ZNF577: variants seen among roughly 807,000 people sequenced by gnomAD.
ZNF577 encodes the protein zinc finger protein 577.
Under a neutral mutation model 13.9 loss-of-function variants are expected in ZNF577, and 14 were observed. That is an observed-to-expected ratio of 1.00 (90% CI 0.66 to 1.57). The LOEUF (loss-of-function observed/expected upper bound fraction) is 1.57. Ranked by LOEUF, ZNF577 falls within the 40% of genes most tolerant of loss-of-function variation. The probability of loss-of-function intolerance (pLI) is 0.00; values close to 1 mark genes in which losing one functional copy is unlikely to be tolerated. For synonymous variants in ZNF577, 203 were observed against 202.9 expected, an observed-to-expected ratio of 1.00 and a Z score of 0.00; for missense variants, 555 against 579.2, an observed-to-expected ratio of 0.96 and a Z score of 0.43.
At chr19:51,829,269 C>T (rs370986336) in intron 9 of ZNF577, among the ~76,000 whole-genome samples, 9 of 152,180 alleles carry the variant, frequency 5.9e-5, no homozygotes, top group South Asian at 2.1e-4. Context: ...GCCACAGCCC[C>T]GACAAGCTGG....
At chr19:51,864,394 G>A (rs904083327), downstream of ZNF577, among the ~76,000 whole-genome samples, 3 of 151,592 alleles carry the variant, frequency 2.0e-5, no homozygotes, top group Non-Finnish European at 2.9e-5. Flanking sequence ...CCTGACTCCC[G>A]CCCCTGACTC....
intron 9 of ZNF577, chr19:51,823,846 AC>A: frequency 6.2e-7 from 1 of 1,613,978 alleles, no homozygotes; most frequent in Non-Finnish European, 8.5e-7. Context: ...TTGCTAGTCC[AC>A]GGAGTCACCT....
intron 5 of ZNF577, among the ~76,000 whole-genome samples, chr19:51,853,550 C>T (rs1377899067): frequency 6.6e-6 from 1 of 152,142 alleles, no homozygotes; most frequent in African/African-American, 2.4e-5. Context: ...GTCAATTGGA[C>T]CAATCTAGAG....
Position 51,870,251 on chromosome 19 carries a change from G to A in ZNF577, c.*2281C>T, listed in dbSNP as rs1020140218. 6.6e-6 allele frequency among the ~76,000 whole-genome samples: 1 copy of A among 152,094 alleles called. No individual in the cohort carries two copies. The highest frequency in any genetic ancestry group is 1.5e-5 in the Non-Finnish European group (1 of 68,020). ...CTACTGAGTTTTCTTCATGTTATGGGGTTATATTTTCCTGCTTCTTTGCAC... is the reference window on the plus strand; with the variant it reads ...CTACTGAGTTTTCTTCATGTTATGGAGTTATATTTTCCTGCTTCTTTGCAC... On this transcript the variant is annotated 3_prime_UTR_variant, in exon 6 of 6. Coordinates refer to ENST00000638348, the MANE Select transcript of ZNF577 (RefSeq NM_001370449.1).
At position 51,875,406 on chromosome 19, in the gene ZNF577, T is replaced by C. The variant is rs1327187150; in HGVS notation, c.284-1700A>G. Among the ~76,000 whole-genome samples the C allele has an allele frequency of 2.7e-5, 4 of 148,876 alleles. No individual in the cohort carries two copies. In the East Asian group the frequency reaches 5.9e-4, roughly 22 times the overall value. On this transcript the variant is annotated intron_variant, in intron 5 of 5. Transcript: ENST00000638348. ...AAAAGAGAGAGCTCCAAATGTGCCCTGGCATAGTCAAAAACTAGTTCTTGG... is the reference window on the plus strand; with the variant it reads ...AAAAGAGAGAGCTCCAAATGTGCCCCGGCATAGTCAAAAACTAGTTCTTGG...
intron 5 of ZNF577, among the ~76,000 whole-genome samples, chr19:51,876,452 A>AT (rs1404759100): frequency 1.3e-5 from 2 of 151,070 alleles, no homozygotes; most frequent in African/African-American, 2.5e-5. Flanking sequence ...TCAGCAGAAG[A>AT]TAAAAAAAAA....
In ZNF577 at chr19:51,870,367, T is replaced by C. The variant is rs185366817; in HGVS notation, c.*2165A>G. On this transcript the variant is annotated 3_prime_UTR_variant, in exon 6 of 6. Coordinates refer to ENST00000638348, the MANE Select transcript of ZNF577 (RefSeq NM_001370449.1). ...TCTTTATTAGTCTCTGTTTGGAAAA[T>C]TGCTAACTTACTTGGAAAGTATGGC... 3.3e-5 allele frequency among the ~76,000 whole-genome samples: 5 copies of C among 152,256 alleles called. No homozygotes were observed. The highest frequency in any genetic ancestry group is 2.6e-4 in the Admixed American group (4 of 15,300).
At chr19:51,858,755 T>A (rs1457031645) in intron 5 of ZNF577, among the ~76,000 whole-genome samples, 1 of 152,120 alleles carries the variant, frequency 6.6e-6, no homozygotes, top group Non-Finnish European at 1.5e-5. Flanking sequence ...GAAGATTCAG[T>A]CAAGTAAGTC....
chr19:51,832,606 T>C (rs1282897462), intron 9 of ZNF577, among the ~76,000 whole-genome samples: 1 of 152,176 alleles, frequency 6.6e-6, no homozygotes, highest in African/African-American at 2.4e-5. Context: ...GTCAAAGAAT[T>C]CTTTGGTTAG....
intron 5 of ZNF577, among the ~76,000 whole-genome samples, chr19:51,851,636 A>G (rs954887315): frequency 1.3e-5 from 2 of 151,994 alleles, no homozygotes; most frequent in African/African-American, 4.8e-5. Flanking sequence ...AACTCCCCAG[A>G]CACCTTATTT....
intron 1 of ZNF577, among the ~76,000 whole-genome samples, chr19:51,885,011 T>C (rs1427291424): frequency 6.6e-6 from 1 of 152,256 alleles, no homozygotes; most frequent in African/African-American, 2.4e-5. Flanking sequence ...TTTTAATCAT[T>C]TGAAATGTAT....
intron 5 of ZNF577, chr19:51,861,833 T>C (rs977165719): frequency 3.3e-5 from 5 of 152,594 alleles, no homozygotes; most frequent in East Asian, 1.9e-4. Flanking sequence ...AATTCTCTAA[T>C]GTACAGTGAG....
intron 9 of ZNF577, chr19:51,823,879 A>T: frequency 6.2e-7 from 1 of 1,613,968 alleles, no homozygotes; most frequent in Non-Finnish European, 8.5e-7. Context: ...GTCCTGGGCA[A>T]TGGGCTTGTG....
chr19:51,862,593 A>G (rs1465754110), downstream of ZNF577: 1 of 152,948 alleles, frequency 6.5e-6, no homozygotes, highest in African/African-American at 2.4e-5. Flanking sequence ...GAGTTCTGAG[A>G]TGCAAAATGA....
At chr19:51,861,507 C>T (rs1422788351) in intron 5 of ZNF577, 1 of 152,452 alleles carries the variant, frequency 6.6e-6, no homozygotes, top group East Asian at 1.9e-4. Context: ...TTCATTGCAT[C>T]TATAAGGTTT....
At chr19:51,828,185 T>C (rs532650314) in intron 9 of ZNF577, among the ~76,000 whole-genome samples, 1 of 152,170 alleles carries the variant, frequency 6.6e-6, no homozygotes, top group African/African-American at 2.4e-5. Context: ...CTGGCCAACA[T>C]GTTGAAACGC....
At chr19:51,838,896 T>C (rs1367378753) in intron 9 of ZNF577, among the ~76,000 whole-genome samples, 3 of 151,992 alleles carry the variant, frequency 2.0e-5, no homozygotes, top group African/African-American at 4.8e-5. Flanking sequence ...TTTTCAAATA[T>C]GTACTCAAAG....
chr19:51,880,379 T>C lies in ZNF577; in HGVS notation c.4A>G (p.Lys2Glu). 1 of 1,614,164 alleles carries C rather than the reference T, an allele frequency of 6.2e-7. No homozygotes were observed. Among genetic ancestry groups the C allele is most frequent in the Non-Finnish European group, 8.5e-7 (1 of 1,180,038 alleles). Residue 2 changes from lysine to glutamate, a missense_variant, in exon 3 of 6, where the codon AAA becomes GAA. Transcript: ENST00000638348. MKNATIVMSVRR... is the reference protein window; with the variant it reads MENATIVMSVRR... ...ACAGACATTACAATCGTGGCATTTT[T>C]CATGTGTTTCCTGTTATTTCAGCTG...
At chr19:51,873,788 C>G (rs1453775449) in intron 5 of ZNF577, 82 bp from the exon 6 acceptor site, 3 of 1,089,528 alleles carry the variant, frequency 2.8e-6, no homozygotes, top group Non-Finnish European at 3.9e-6. Context: ...TTACATAAAC[C>G]AAACTTATTT....
Sources: allele counts gnomAD v4.1 joint callset (sites outside exome capture counted in the v4.1 genomes callset), GRCh38; gene constraint gnomAD v4.1.1; transcripts MANE v1.5; gene names NCBI Gene and HGNC (gene_info 2026-07-23, HGNC 2026-07-21).